Variants in CCNT2 observed in about 807,000 individuals in gnomAD.
The protein encoded by CCNT2 is cyclin T2.
In CCNT2, 18 loss-of-function variants were observed where a neutral mutation model predicts 70.0. The ratio of observed to expected loss-of-function variants is 0.26; its 90% CI spans 0.18 to 0.38. The LOEUF is 0.38. Ranked by LOEUF, CCNT2 falls within the 10% of genes least tolerant of loss-of-function variation. The pLI is 1.00. For synonymous variants in CCNT2, 334 were observed against 313.3 expected (o/e 1.07, Z -0.70); for missense variants, 734 against 890.2 (o/e 0.82, Z 2.23).
At chr2:134,952,450 C>T (rs910538605) in intron 7 of CCNT2, among the ~76,000 whole-genome samples, 191 bp from the exon 8 acceptor site, 6 of 151,772 alleles carry the variant, frequency 4.0e-5, no homozygotes, top group African/African-American at 7.3e-5. Flanking sequence ...GGAAAGTAAT[C>T]GTTACAAAAG....
chr2:134,949,341 A>G (rs989088720), intron 7 of CCNT2, among the ~76,000 whole-genome samples: 7 of 152,200 alleles, frequency 4.6e-5, no homozygotes, highest in African/African-American at 1.7e-4. Flanking sequence ...TTTGTGAACT[A>G]TAAGGTCTCT....
Position 134,953,238 on chromosome 2 carries a change from G to A in CCNT2, c.783G>A (p.Gln261=). 1 of 1,605,678 alleles carries A rather than the reference G, an allele frequency of 6.2e-7. No homozygotes were observed. Residue 261 remains glutamine (Q), a synonymous_variant, in exon 9 of 9, where the codon CAG becomes CAA. Coordinates refer to ENST00000264157, the MANE Select transcript of CCNT2 (RefSeq NM_058241.3). The part of the protein sequence containing the change: ...LKKIRNWRAN[Q]AARKPKVDGQ... ...GTGTTTTATTTTAATAGGCTAATCA[G>A]GCAGCTAGGAAACCAAAAGTAGATG... is the stretch of plus-strand genomic sequence containing the variant.
chr2:134,946,599 T>C (rs1289339726), intron 6 of CCNT2: 1 of 180,464 alleles, frequency 5.5e-6, no homozygotes, highest in Non-Finnish European at 1.1e-5. Context: ...ATTTGAAATT[T>C]TTTTTCAGAT....
In CCNT2 at chr2:134,955,920, A is replaced by G. The variant is rs1290550327; in HGVS notation, c.*1272A>G. ...AGGTCAGCCTCCCAGGCAAACCAGTAGTGGAGGTTTTACATTTGTTTGCAC... is the reference window on the plus strand; with the variant it reads ...AGGTCAGCCTCCCAGGCAAACCAGTGGTGGAGGTTTTACATTTGTTTGCAC... On this transcript the variant is annotated 3_prime_UTR_variant, in exon 9 of 9. Coordinates refer to ENST00000264157, the MANE Select transcript of CCNT2 (RefSeq NM_058241.3). 3 of 152,672 alleles carry G rather than the reference A, an allele frequency of 2.0e-5. No individual in the cohort carries two copies. Among genetic ancestry groups the G allele is most frequent in the Non-Finnish European group, 4.4e-5 (3 of 68,038 alleles). 9.5% of individuals were successfully genotyped at this position (152,672 alleles called of 1,614,324 possible).
rs1682867122 is a variant in CCNT2 at position 134,955,351 on chromosome 2, A to G, written c.*703A>G. On this transcript the variant is annotated 3_prime_UTR_variant, in exon 9 of 9. Transcript: ENST00000264157. Reference sequence around the variant, plus strand: ...GATGTGTGCAGTGCAACAGATGGTCATATACACTGTGAGGCACTGAAATTT... The same window carrying G: ...GATGTGTGCAGTGCAACAGATGGTCGTATACACTGTGAGGCACTGAAATTT... 3 of 152,696 alleles carry G rather than the reference A, an allele frequency of 2.0e-5. No homozygotes were observed. 9.5% of individuals were successfully genotyped at this position (152,696 alleles called of 1,614,324 possible). A position where few individuals can be genotyped will look rare whatever the true frequency, so the allele number is the denominator to read the frequency against.
Position 134,954,764 on chromosome 2 carries a change from T to A in CCNT2, c.*116T>A, listed in dbSNP as rs1682827159. ...TGCTGTTGCTGCCACTGCTTCAATA[T>A]TTGTAAGTGCTGCTTTATTCTTCAT... On this transcript the variant is annotated 3_prime_UTR_variant, in exon 9 of 9. Coordinates refer to ENST00000264157, the MANE Select transcript of CCNT2 (RefSeq NM_058241.3). 21 of 641,272 alleles carry A rather than the reference T, an allele frequency of 3.3e-5. No homozygotes were observed. The South Asian group carries it at 4.0e-4, about 12-fold the overall frequency. 39.7% of individuals were successfully genotyped at this position (641,272 alleles called of 1,614,324 possible).
At chr2:134,939,750 G>A (rs893650638) in intron 4 of CCNT2, among the ~76,000 whole-genome samples, 11 of 152,136 alleles carry the variant, frequency 7.2e-5, no homozygotes, top group South Asian at 4.1e-4. Flanking sequence ...ACAGGTGTGC[G>A]TCACCACGCC....
rs760592121 is a variant in CCNT2 at position 134,953,439 on chromosome 2, T to G, written c.984T>G (p.Ser328=). The part of the protein sequence containing the change: ...GNISVQDSHT[S]DNLSMLATGM... ...TTTCTGTTCAAGACAGCCATACATCTGATAATTTGTCAATGCTAGCAACAG... is the reference window on the plus strand; with the variant it reads ...TTTCTGTTCAAGACAGCCATACATCGGATAATTTGTCAATGCTAGCAACAG... The change falls in exon 9 of 9, where the codon TCT becomes TCG. Residue 328 remains serine, a synonymous_variant. Coordinates refer to ENST00000264157, the MANE Select transcript of CCNT2 (RefSeq NM_058241.3). The G allele has an allele frequency of 6.2e-7, 1 of 1,612,982 alleles. No individual in the cohort carries two copies. The highest frequency in any genetic ancestry group is 1.1e-5 in the South Asian group (1 of 90,934).
At chr2:134,933,058 T>G (rs1573805685) in intron 2 of CCNT2, among the ~76,000 whole-genome samples, 1 of 152,206 alleles carries the variant, frequency 6.6e-6, no homozygotes, top group Non-Finnish European at 1.5e-5. Flanking sequence ...TTTAGGGCAA[T>G]GGGAGAAATG....
intron 7 of CCNT2, among the ~76,000 whole-genome samples, chr2:134,949,759 T>C (rs1413890205): frequency 1.5e-5 from 2 of 134,308 alleles, no homozygotes; most frequent in East Asian, 4.5e-4. Flanking sequence ...TGTTTTAGTT[T>C]AATAGTCACT....
chr2:134,928,270 A>ATTTTTTTTTTTTTTTTTTTTTTTTTTTT (rs1680442850), intron 2 of CCNT2, among the ~76,000 whole-genome samples: 1 of 77,990 alleles, frequency 1.3e-5, no homozygotes, highest in Non-Finnish European at 2.4e-5. Flanking sequence ...CTCACATTGT[A>ATTTTTTTTTTTTTTTTTTTTTTTTTTTT]TTTCTTTTTT....
In CCNT2 at chr2:134,945,154, G is replaced by T. The variant is rs1681858331; in HGVS notation, c.494-947G>T. On this transcript the variant is annotated intron_variant, in intron 5 of 8. Coordinates refer to ENST00000264157, the MANE Select transcript of CCNT2 (RefSeq NM_058241.3). ...ACTCTGCTAAACCCCAATCCCTTTT[G>T]TAAAACCTTTATGTTGATGATCCAC... 6.1e-6 allele frequency: 6 copies of T among 985,202 alleles called. No individual in the cohort carries two copies. The South Asian group carries it at 2.8e-4, about 46-fold the overall frequency. 61.0% of individuals were successfully genotyped at this position (985,202 alleles called of 1,614,324 possible).
At position 134,937,026 on chromosome 2, in the gene CCNT2, G is replaced by A. The variant is rs534391222; in HGVS notation, c.369+57G>A. ...TGTAAATTTGAAACTTTTTCATAAT[G>A]TAGGCCTAACAAAAATACACAGTTC... On this transcript the variant is annotated intron_variant, in intron 3 of 8. Transcript: ENST00000264157. The A allele has an allele frequency of 2.4e-5, 32 of 1,323,342 alleles. No individual in the cohort carries two copies. The East Asian group carries it at 4.5e-4, about 18-fold the overall frequency. The allele number at this position is 1,323,342 out of a possible 1,614,324, so 82.0% of individuals were successfully genotyped here.
rs1229118110 is a variant in CCNT2, at chr2:134,954,943, G to C, written c.*295G>C. On this transcript the variant is annotated 3_prime_UTR_variant, in exon 9 of 9. Transcript: ENST00000264157. ...TGGCTGGCTGCTTCTAGGAATATAA[G>C]ATGCCTCAAGCATTCATTATTTATG... 3.4e-6 allele frequency: 1 copy of C among 291,190 alleles called. No homozygotes were observed. Among genetic ancestry groups the C allele is most frequent in the Non-Finnish European group, 6.4e-6 (1 of 155,306 alleles). 18.0% of individuals were successfully genotyped at this position (291,190 alleles called of 1,614,324 possible).
chr2:134,933,621 G>A (rs6705067), intron 2 of CCNT2, among the ~76,000 whole-genome samples: 52,668 of 152,010 alleles, frequency 0.35, 9,905 homozygotes, highest in Middle Eastern at 0.67. Flanking sequence ...CATAAATTCA[G>A]TGTTTGGATA....
chr2:134,945,624 C>T (rs1681896494), intron 5 of CCNT2: 4 of 985,152 alleles, frequency 4.1e-6, no homozygotes, highest in African/African-American at 1.7e-5. Context: ...GCAGTTTGTG[C>T]TCTGTGTTTT....
At chr2:134,919,759 T>C (rs1462944867) in intron 1 of CCNT2, 51 bp from the exon 2 acceptor site, 1 of 1,386,188 alleles carries the variant, frequency 7.2e-7, no homozygotes, top group Non-Finnish European at 1.0e-6. Context: ...AAAATTGTTC[T>C]GGGAATGAGA....
At chr2:134,949,026 T>G (rs1038477383) in intron 7 of CCNT2, among the ~76,000 whole-genome samples, 1 of 151,874 alleles carries the variant, frequency 6.6e-6, no homozygotes, top group Non-Finnish European at 1.5e-5. Flanking sequence ...TGTTTTGTGT[T>G]GTTTTGTTTT....
intron 2 of CCNT2, among the ~76,000 whole-genome samples, chr2:134,924,505 A>G (rs938438040): frequency 4.6e-5 from 7 of 152,088 alleles, no homozygotes; most frequent in Non-Finnish European, 8.8e-5. Context: ...GCTGGAGTGC[A>G]GTGGTGCAAT....
Sources: allele counts gnomAD v4.1 joint callset (sites outside exome capture counted in the v4.1 genomes callset), GRCh38; gene constraint gnomAD v4.1.1; transcripts MANE v1.5; gene names NCBI Gene and HGNC (gene_info 2026-07-23, HGNC 2026-07-21).